Variants in IL33 observed in about 807,000 individuals in gnomAD.
IL33 encodes the protein interleukin 33, also known as interleukin-33.
A neutral mutation model predicts 27.3 loss-of-function variants in IL33; 37 were observed. The ratio of observed to expected loss-of-function variants is 1.36; its 90% confidence interval spans 1.04 to 1.78. IL33 has a LOEUF of 1.78. Ranked by LOEUF, IL33 falls within the 40% of genes most tolerant of loss-of-function variation. The probability of loss-of-function intolerance (pLI) is 0.00; values close to 1 mark genes in which losing one functional copy is unlikely to be tolerated. For missense variants in IL33, 406 were observed against 311.4 expected (o/e 1.30, Z -2.29); for synonymous variants, 132 against 102.9 (o/e 1.28, Z -1.71).
rs1816820656 is a variant in IL33 at position 6,257,715 on chromosome 9, G to T, written c.*1547G>T. ...TCTACTTTATTGAGACCTATTAGATGTAAGTGCTAGTAGAATATAAGATAA... is the reference window on the plus strand; with the variant it reads ...TCTACTTTATTGAGACCTATTAGATTTAAGTGCTAGTAGAATATAAGATAA... On this transcript the variant is annotated 3_prime_UTR_variant, in exon 8 of 8. Coordinates refer to ENST00000682010, the MANE Select transcript of IL33 (RefSeq NM_033439.4). The T allele has an allele frequency of 1.3e-5, 2 of 152,196 alleles. No homozygotes were observed. The highest frequency in any genetic ancestry group is 4.1e-4 in the South Asian group (2 of 4,830). The allele number at this position is 152,196 out of a possible 1,614,324, so 9.4% of individuals were successfully genotyped here. A position where few individuals can be genotyped will look rare whatever the true frequency, so the allele number is the denominator to read the frequency against.
intron 1 of IL33, among the ~76,000 whole-genome samples, chr9:6,238,942 A>G (rs1819380037): frequency 6.6e-6 from 1 of 152,182 alleles, no homozygotes; most frequent in Non-Finnish European, 1.5e-5. Context: ...AGTACGATAC[A>G]GTGACCCAGC....
chr9:6,237,787 C>G (rs1417316660), intron 1 of IL33, among the ~76,000 whole-genome samples: 1 of 151,906 alleles, frequency 6.6e-6, no homozygotes. Flanking sequence ...TTTGAATGAC[C>G]AGGAATTGTT....
At position 6,254,463 on chromosome 9, in the gene IL33, T is replaced by C; in HGVS notation, c.522T>C (p.Gly174=). Reference sequence around the variant, plus strand: ...CATTTATACTTTCTTAATTGTAAGGTGACGGTGTTGATGGTAAGATGTTAA... The same window carrying C: ...CATTTATACTTTCTTAATTGTAAGGCGACGGTGTTGATGGTAAGATGTTAA... ...YESQHPSNES[G]DGVDGKMLMV... Residue 174 remains glycine, a splice_region_variant and synonymous_variant, in exon 7 of 8, where the codon GGT becomes GGC. Coordinates refer to ENST00000682010, the MANE Select transcript of IL33 (RefSeq NM_033439.4). The C allele has an allele frequency of 6.4e-7, 1 of 1,569,534 alleles. No homozygotes were observed. Among genetic ancestry groups the C allele is most frequent in the South Asian group, 1.2e-5 (1 of 83,426 alleles).
rs1258607845 is a variant in IL33 at position 6,256,642 on chromosome 9, G to C, written c.*474G>C. 7.6e-6 allele frequency: 2 copies of C among 262,442 alleles called. No individual in the cohort carries two copies. Among genetic ancestry groups the C allele is most frequent in the East Asian group, 1.3e-4 (2 of 15,812 alleles). 16.3% of individuals were successfully genotyped at this position (262,442 alleles called of 1,614,324 possible). On this transcript the variant is annotated 3_prime_UTR_variant, in exon 8 of 8. Coordinates refer to ENST00000682010, the MANE Select transcript of IL33 (RefSeq NM_033439.4). ...TAAAAAGAAGACCAGATGCTTCACA[G>C]AATTATCATTTTTTCAACTGGAATA...
intron 7 of IL33, among the ~76,000 whole-genome samples, chr9:6,254,789 C>T (rs1816633807): frequency 6.6e-6 from 1 of 152,088 alleles, no homozygotes; most frequent in Non-Finnish European, 1.5e-5. Flanking sequence ...AGCAGCAGAG[C>T]ATCACCTGGG....
chr9:6,255,300 TTAACA>T (rs1368139371), intron 7 of IL33, among the ~76,000 whole-genome samples: 2 of 152,138 alleles, frequency 1.3e-5, no homozygotes, highest in Non-Finnish European at 2.9e-5. Context: ...TAAGGCCTTA[TTAACA>T]TAAATAGTGG....
chr9:6,254,515 T>G lies in IL33; in HGVS notation c.574T>G (p.Phe192Val). ...LMVTLSPTKD[F>V]WLHANNKEHS... Reference sequence around the variant, plus strand: ...GGTAACCCTGAGTCCTACAAAAGACTTCTGGTTGCATGCCAACAACAAGGA... The same window carrying G: ...GGTAACCCTGAGTCCTACAAAAGACGTCTGGTTGCATGCCAACAACAAGGA... The change falls in exon 7 of 8, where the codon TTC becomes GTC. Residue 192 changes from phenylalanine (F) to valine (V), a missense_variant. Phe to Val is a conservative substitution (Grantham distance 50). Coordinates refer to ENST00000682010, the MANE Select transcript of IL33 (RefSeq NM_033439.4). 1 of 1,597,746 alleles carries G rather than the reference T, an allele frequency of 6.3e-7. No individual in the cohort carries two copies. The highest frequency in any genetic ancestry group is 8.5e-7 in the Non-Finnish European group (1 of 1,170,170).
rs764666831 is a variant in IL33 at position 6,250,528 on chromosome 9, C to G, written c.146C>G (p.Ser49Cys). ...CCCATGTACTTTATGAAGCTCCGCT[C>G]TGGCCTTATGATAAAAAAGGAGGCC... ...VCPMYFMKLR[S>C]GLMIKKEACY... The change falls in exon 3 of 8, where the codon TCT becomes TGT. Residue 49 changes from serine (S) to cysteine (C), a missense_variant. Transcript: ENST00000682010. The G allele has an allele frequency of 2.2e-5, 35 of 1,613,870 alleles. No individual in the cohort carries two copies. Among genetic ancestry groups the G allele is most frequent in the South Asian group, 4.4e-5 (4 of 91,064 alleles).
chr9:6,245,772 T>C (rs1278577986), intron 2 of IL33, among the ~76,000 whole-genome samples: 1 of 152,064 alleles, frequency 6.6e-6, no homozygotes, highest in Admixed American at 6.6e-5. Context: ...GATTTAAGAA[T>C]TGGGTAGACG....
At chr9:6,241,156 A>G in intron 1 of IL33, among the ~76,000 whole-genome samples, 1 of 152,184 alleles carries the variant, frequency 6.6e-6, no homozygotes, top group Non-Finnish European at 1.5e-5. Flanking sequence ...CCTTTTTGAC[A>G]GAACTGCCTG....
intron 7 of IL33, 26 bp downstream of exon 7, chr9:6,254,579 C>G: frequency 7.5e-7 from 1 of 1,331,866 alleles, no homozygotes; most frequent in Non-Finnish European, 1.0e-6. Context: ...TTATCTATAT[C>G]TATATATATG....
At chr9:6,246,819 G>A (rs1452603936) in intron 2 of IL33, among the ~76,000 whole-genome samples, 1 of 152,110 alleles carries the variant, frequency 6.6e-6, no homozygotes, top group Non-Finnish European at 1.5e-5. Context: ...CTCAATCTTG[G>A]ACTTCTCAAC....
At chr9:6,232,316 T>A (rs958997403) in intron 1 of IL33, among the ~76,000 whole-genome samples, 1 of 152,242 alleles carries the variant, frequency 6.6e-6, no homozygotes, top group Non-Finnish European at 1.5e-5. Flanking sequence ...TACGCAAATT[T>A]GCATCTTTGA....
intron 1 of IL33, among the ~76,000 whole-genome samples, chr9:6,231,304 GT>G (rs1470907209): frequency 6.6e-6 from 1 of 152,118 alleles, no homozygotes; most frequent in East Asian, 1.9e-4. Context: ...CCAAGCTTCT[GT>G]CCCCTTCTCT....
intron 1 of IL33, among the ~76,000 whole-genome samples, chr9:6,234,809 A>G (rs1452947509): frequency 2.6e-5 from 4 of 152,164 alleles, no homozygotes; most frequent in Admixed American, 1.3e-4. Flanking sequence ...ATAAAATTAT[A>G]TTCACAAAAC....
intron 1 of IL33, among the ~76,000 whole-genome samples, chr9:6,234,093 G>T (rs552130101): frequency 6.6e-6 from 1 of 151,860 alleles, no homozygotes; most frequent in East Asian, 1.9e-4. Flanking sequence ...TATTAACTTC[G>T]TTTCTCCTCT....
At chr9:6,217,622 A>C (rs2130054444) in intron 1 of IL33, among the ~76,000 whole-genome samples, 1 of 152,336 alleles carries the variant, frequency 6.6e-6, no homozygotes, top group East Asian at 1.9e-4. Context: ...AAAACAAGGA[A>C]TTGATACCCT....
intron 2 of IL33, among the ~76,000 whole-genome samples, chr9:6,244,400 T>C (rs1478537815): frequency 6.6e-6 from 1 of 152,148 alleles, no homozygotes; most frequent in South Asian, 2.1e-4. Flanking sequence ...AAACAATGGA[T>C]AGTAATGAAC....
At chr9:6,241,585 T>A in intron 1 of IL33, 99 bp from the exon 2 acceptor site, 1 of 631,356 alleles carries the variant, frequency 1.6e-6, no homozygotes. Flanking sequence ...ATTTCCTCTA[T>A]ATGGTTATGT....
Sources: gnomAD v4.1 joint callset for allele counts (sites outside exome capture counted in the v4.1 genomes callset) on GRCh38, gnomAD v4.1.1 for gene constraint, MANE v1.5 for transcripts, NCBI Gene and HGNC (gene_info 2026-07-23, HGNC 2026-07-21) for gene names.